Variants in RABGAP1L observed in about 807,000 individuals in gnomAD.
The protein encoded by RABGAP1L is rab GTPase-activating protein 1-like.
A neutral mutation model predicts 137.7 loss-of-function variants in RABGAP1L; 63 were observed. That is an observed-to-expected ratio of 0.46 (90% CI 0.37 to 0.56). RABGAP1L has a LOEUF of 0.56. RABGAP1L is among the 20% of genes least tolerant of loss of function. The probability of loss-of-function intolerance (pLI) is 0.00; values close to 1 mark genes in which losing one functional copy is unlikely to be tolerated. For synonymous variants in RABGAP1L, 431 were observed against 433.7 expected (o/e 0.99, Z 0.08); for missense variants, 1,095 against 1,244.0 (o/e 0.88, Z 1.80).
At chr1:174,842,990 A>T (rs1243376782) in intron 19 of RABGAP1L, among the ~76,000 whole-genome samples, 1 of 152,130 alleles carries the variant, frequency 6.6e-6, no homozygotes, top group African/African-American at 2.4e-5. Context: ...CAAAGCAAAA[A>T]TTCCCAACAT....
chr1:174,412,832 T>G (rs1369336936), intron 13 of RABGAP1L, among the ~76,000 whole-genome samples: 2 of 152,200 alleles, frequency 1.3e-5, no homozygotes, highest in Non-Finnish European at 2.9e-5. Context: ...AAAAGTCCAC[T>G]GTTAGCCTGA....
chr1:174,817,041 T>C (rs1690507992), intron 19 of RABGAP1L, among the ~76,000 whole-genome samples: 1 of 152,162 alleles, frequency 6.6e-6, no homozygotes. Context: ...TCCTTTTTTT[T>C]TGTTTTGTTT....
chr1:174,776,535 T>C (rs1686538154), intron 18 of RABGAP1L, among the ~76,000 whole-genome samples: 1 of 152,254 alleles, frequency 6.6e-6, no homozygotes, highest in Non-Finnish European at 1.5e-5. Context: ...AATTTTGATT[T>C]CTTTTGGGAA....
At chr1:174,621,919 C>G (rs1332749125) in intron 13 of RABGAP1L, among the ~76,000 whole-genome samples, 1 of 152,116 alleles carries the variant, frequency 6.6e-6, no homozygotes, top group African/African-American at 2.4e-5. Context: ...AACAGGCAAC[C>G]TACAAAATGG....
At chr1:174,248,924 C>T (rs908140784) in intron 5 of RABGAP1L, among the ~76,000 whole-genome samples, 1 of 152,154 alleles carries the variant, frequency 6.6e-6, no homozygotes. Context: ...TAACCCTTCA[C>T]ATTTCACCTT....
intron 13 of RABGAP1L, among the ~76,000 whole-genome samples, chr1:174,550,891 TATATACAC>T (rs1395850490): frequency 2.3e-5 from 2 of 86,056 alleles, no homozygotes; most frequent in African/African-American, 1.6e-4. Flanking sequence ...TATATATATA[TATATACAC>T]ACACACATAT....
intron 19 of RABGAP1L, among the ~76,000 whole-genome samples, chr1:174,895,920 G>T (rs923476971): frequency 1.6e-4 from 24 of 152,242 alleles, no homozygotes; most frequent in African/African-American, 5.1e-4. Context: ...CATGTGTCTT[G>T]ATAGCAGCAT....
chr1:174,873,033 G>A (rs535104209), intron 19 of RABGAP1L, among the ~76,000 whole-genome samples: 1 of 152,080 alleles, frequency 6.6e-6, no homozygotes, highest in South Asian at 2.1e-4. Flanking sequence ...TCTATATGGG[G>A]GTTGCAGAAG....
At chr1:174,205,062 G>T (rs777627362) in intron 1 of RABGAP1L, among the ~76,000 whole-genome samples, 1 of 152,116 alleles carries the variant, frequency 6.6e-6, no homozygotes, top group Admixed American at 6.5e-5. Flanking sequence ...AGATAATCAC[G>T]TGGTTTTTGT....
chr1:174,929,186 C>T (rs1329033289), intron 19 of RABGAP1L, among the ~76,000 whole-genome samples: 1 of 152,032 alleles, frequency 6.6e-6, no homozygotes, highest in Non-Finnish European at 1.5e-5. Context: ...GAACACTGTG[C>T]ACATGTACCC....
chr1:174,428,447 T>C (rs183702439), intron 13 of RABGAP1L, among the ~76,000 whole-genome samples: 1 of 152,318 alleles, frequency 6.6e-6, no homozygotes, highest in African/African-American at 2.4e-5. Flanking sequence ...AACTTTATTC[T>C]CTCTAACCCT....
At chr1:174,620,808 G>A (rs1004850876) in intron 13 of RABGAP1L, among the ~76,000 whole-genome samples, 5 of 142,410 alleles carry the variant, frequency 3.5e-5, no homozygotes, top group Non-Finnish European at 7.4e-5. Flanking sequence ...AGGAAATAGA[G>A]ACACAAAAAA....
intron 21 of RABGAP1L, among the ~76,000 whole-genome samples, chr1:174,973,559 A>AT (rs1164449940): frequency 3.3e-5 from 5 of 151,648 alleles, no homozygotes; most frequent in African/African-American, 1.2e-4. Flanking sequence ...TGATTTTTGT[A>AT]TTTTTAATAG....
At chr1:174,720,307 G>GT (rs201866860) in intron 17 of RABGAP1L, among the ~76,000 whole-genome samples, 20,768 of 118,236 alleles carry the variant, frequency 0.18, 5,148 homozygotes, top group African/African-American at 0.53. Flanking sequence ...ACAGATAGTT[G>GT]GTTTTTTTTT....
At chr1:174,607,875 C>T (rs548316396) in intron 13 of RABGAP1L, among the ~76,000 whole-genome samples, 16 of 152,292 alleles carry the variant, frequency 1.1e-4, no homozygotes, top group East Asian at 5.8e-4. Context: ...TCCTATACAT[C>T]AGGAAGATAG....
At chr1:174,726,664 T>C (rs1430040928) in intron 17 of RABGAP1L, among the ~76,000 whole-genome samples, 1 of 152,144 alleles carries the variant, frequency 6.6e-6, no homozygotes, top group Non-Finnish European at 1.5e-5. Context: ...TTTGTTAGCT[T>C]GATTTTTCTG....
At chr1:174,355,901 T>A (rs1478006207) in intron 11 of RABGAP1L, among the ~76,000 whole-genome samples, 1 of 152,228 alleles carries the variant, frequency 6.6e-6, no homozygotes, top group Admixed American at 6.5e-5. Context: ...ACCCTGCTTT[T>A]GACAGTGGGA....
In RABGAP1L at chr1:174,990,113, A is replaced by T; in HGVS notation, c.*112A>T. ...TCAAGGAGGCCAGAAAACAAGCCAG[A>T]ATTTTTCAGTAGCTCTCACTCTTTC... On this transcript the variant is annotated 3_prime_UTR_variant, in exon 26 of 26. Transcript: ENST00000681986. The T allele has an allele frequency of 1.5e-6, 2 of 1,298,048 alleles. No individual in the cohort carries two copies. Among genetic ancestry groups the T allele is most frequent in the South Asian group, 3.0e-5 (2 of 65,998 alleles). The allele number at this position is 1,298,048 out of a possible 1,614,324, so 80.4% of individuals were successfully genotyped here.
chr1:174,573,206 TGTG>T (rs2148056636), intron 13 of RABGAP1L, among the ~76,000 whole-genome samples: 1 of 148,902 alleles, frequency 6.7e-6, no homozygotes, highest in Admixed American at 6.7e-5. Context: ...TGTATATATG[TGTG>T]ACATATATAC....
Sources: gnomAD v4.1 joint callset for allele counts (sites outside exome capture counted in the v4.1 genomes callset) on GRCh38, gnomAD v4.1.1 for gene constraint, MANE v1.5 for transcripts, NCBI Gene and HGNC (gene_info 2026-07-23, HGNC 2026-07-21) for gene names.